MRLN: variants seen among roughly 807,000 people sequenced by gnomAD.
MRLN encodes Linc-RNA activator of myogenesis.
rs1445273645 is a variant in MRLN, at chr10:59,738,516, A to G, written c.-78T>C. ...GGCTTCTCAGTTTTCTGCTCTTGCC[A>G]GAACAAAGTGTATTCAGCACAGGTG... On this transcript the variant is annotated 5_prime_UTR_variant, in exon 2 of 3. Transcript: ENST00000414264. The G allele has an allele frequency of 2.0e-5, 3 of 152,228 alleles. No homozygotes were observed. Among genetic ancestry groups the G allele is most frequent in the Admixed American group, 6.5e-5 (1 of 15,280 alleles). 9.4% of individuals were successfully genotyped at this position (152,228 alleles called of 1,614,324 possible).
intron 1 of MRLN, among the ~76,000 whole-genome samples, chr10:59,744,651 G>A (rs957629115): frequency 6.6e-6 from 1 of 152,208 alleles, no homozygotes; most frequent in Non-Finnish European, 1.5e-5. Flanking sequence ...TGAAGATGGC[G>A]GTTTTGTCGA....
chr10:59,751,121 T>G (rs763988514), intron 1 of MRLN, among the ~76,000 whole-genome samples: 5 of 152,236 alleles, frequency 3.3e-5, no homozygotes, highest in Non-Finnish European at 7.3e-5. Flanking sequence ...GGTGCAGATC[T>G]GATTTCTGAA....
chr10:59,750,721 G>A (rs1002252971), intron 1 of MRLN, among the ~76,000 whole-genome samples: 2 of 152,240 alleles, frequency 1.3e-5, no homozygotes, highest in African/African-American at 4.8e-5. Context: ...CAGTTGTGAT[G>A]CACTTTTACA....
At chr10:59,750,665 T>C (rs568821183) in intron 1 of MRLN, among the ~76,000 whole-genome samples, 1 of 152,332 alleles carries the variant, frequency 6.6e-6, no homozygotes, top group South Asian at 2.1e-4. Flanking sequence ...ATCAAAATGT[T>C]ATCAACCTTC....
At chr10:59,744,592 C>T (rs573061235) in intron 1 of MRLN, among the ~76,000 whole-genome samples, 23 of 152,314 alleles carry the variant, frequency 1.5e-4, no homozygotes, top group African/African-American at 4.8e-4. Flanking sequence ...GCCCAGCCGC[C>T]ACCCGGTCTG....
At chr10:59,737,829 G>A (rs907956965) in intron 2 of MRLN, among the ~76,000 whole-genome samples, 3 of 152,090 alleles carry the variant, frequency 2.0e-5, no homozygotes, top group African/African-American at 7.2e-5. Context: ...TTTACCAAAC[G>A]TCTGTTAGGC....
At chr10:59,752,722 G>C (rs1485267541) in intron 1 of MRLN, among the ~76,000 whole-genome samples, 1 of 152,198 alleles carries the variant, frequency 6.6e-6, no homozygotes, top group Admixed American at 6.5e-5. Context: ...GGGCTTCAGG[G>C]TCCCCCTTTT....
At chr10:59,742,975 C>T (rs976176718) in intron 1 of MRLN, among the ~76,000 whole-genome samples, 2 of 152,150 alleles carry the variant, frequency 1.3e-5, no homozygotes, top group Non-Finnish European at 2.9e-5. Context: ...AGTGATCCTC[C>T]TGCCTCAGCC....
At chr10:59,739,954 T>C (rs1433629482) in intron 1 of MRLN, among the ~76,000 whole-genome samples, 1 of 151,980 alleles carries the variant, frequency 6.6e-6, no homozygotes, top group Non-Finnish European at 1.5e-5. Flanking sequence ...TAGCCGGGCA[T>C]GGTGGCAGGC....
intron 1 of MRLN, among the ~76,000 whole-genome samples, chr10:59,749,014 A>T (rs1841070705): frequency 6.6e-6 from 1 of 152,220 alleles, no homozygotes; most frequent in African/African-American, 2.4e-5. Context: ...GAGAGAGTAC[A>T]GGATCTGAAC....
intron 1 of MRLN, among the ~76,000 whole-genome samples, chr10:59,752,005 A>T (rs1418665424): frequency 6.6e-6 from 1 of 152,234 alleles, no homozygotes; most frequent in Non-Finnish European, 1.5e-5. Context: ...AATGCTGATT[A>T]TAATAGAGCA....
chr10:59,744,918 G>A (rs780989312), intron 1 of MRLN: 2 of 190,108 alleles, frequency 1.1e-5, no homozygotes, highest in African/African-American at 2.4e-5. Context: ...CAGCATACTC[G>A]TTAAGAGTCA....
chr10:59,744,320 G>C (rs1000947975), intron 1 of MRLN: 1 of 155,310 alleles, frequency 6.4e-6, no homozygotes, highest in African/African-American at 2.4e-5. Flanking sequence ...CCGCGACCCC[G>C]TCTGGGAACT....
chr10:59,744,582 G>A (rs1209739257), intron 1 of MRLN, among the ~76,000 whole-genome samples: 1 of 152,112 alleles, frequency 6.6e-6, no homozygotes, highest in Non-Finnish European at 1.5e-5. Context: ...GAGCCCCTCT[G>A]CCCAGCCGCC....
chr10:59,748,206 C>T (rs180830591), intron 1 of MRLN, among the ~76,000 whole-genome samples: 22 of 152,060 alleles, frequency 1.4e-4, no homozygotes, highest in Non-Finnish European at 2.4e-4. Context: ...GGATGGCCAC[C>T]GTTTCTACAG....
chr10:59,740,831 C>G (rs1388713545), intron 1 of MRLN, among the ~76,000 whole-genome samples: 2 of 146,398 alleles, frequency 1.4e-5, no homozygotes, highest in African/African-American at 5.1e-5. Context: ...GAGTCTCTCT[C>G]TTATCGCCCA....
intron 1 of MRLN, among the ~76,000 whole-genome samples, chr10:59,744,597 G>C (rs10993985): frequency 5.7e-4 from 87 of 152,014 alleles, no homozygotes; most frequent in Admixed American, 1.0e-3. Flanking sequence ...GCCGCCACCC[G>C]GTCTGGGAGG....
intron 1 of MRLN, chr10:59,744,737 T>C (rs564753125): frequency 2.2e-4 from 34 of 156,716 alleles, no homozygotes; most frequent in Non-Finnish European, 3.9e-4. Flanking sequence ...GAAGTAGACA[T>C]AGGAGACTCC....
At chr10:59,741,082 G>A (rs1034511734) in intron 1 of MRLN, among the ~76,000 whole-genome samples, 3 of 152,142 alleles carry the variant, frequency 2.0e-5, no homozygotes, top group African/African-American at 7.2e-5. Context: ...ACAGAGGTGA[G>A]CCACCAGTCC....
Sources: gnomAD v4.1 joint callset for allele counts (sites outside exome capture counted in the v4.1 genomes callset) on GRCh38, gnomAD v4.1.1 for gene constraint, MANE v1.5 for transcripts, NCBI Gene and HGNC (gene_info 2026-07-23, HGNC 2026-07-21) for gene names.